The following TUT4 variants were observed in gnomAD, a reference collection of about 807,000 sequenced individuals.
TUT4 encodes terminal uridylyl transferase 4, also known as terminal uridylyltransferase 4.
Under a neutral mutation model 192.2 loss-of-function variants are expected in TUT4, and 36 were observed. The observed-to-expected ratio is 0.19, with a 90% CI of 0.14 to 0.25. TUT4 has a LOEUF of 0.25. Among genes scored for constraint, TUT4 ranks in the 10% least tolerant of loss-of-function variants. TUT4 has a pLI of 1.00. For missense variants in TUT4, 1,493 were observed against 1,957.2 expected, an observed-to-expected ratio of 0.76 and a Z score of 4.47; for synonymous variants, 618 against 666.0, an observed-to-expected ratio of 0.93 and a Z score of 1.11.
intron 1 of TUT4, among the ~76,000 whole-genome samples, chr1:52,549,113 G>T (rs1375733962): frequency 3.3e-5 from 5 of 152,250 alleles, no homozygotes; most frequent in Non-Finnish European, 5.9e-5. Flanking sequence ...GGAAAAGAAG[G>T]CTTGCCTATC....
intron 20 of TUT4, among the ~76,000 whole-genome samples, chr1:52,452,337 A>G (rs1659673999): frequency 6.6e-6 from 1 of 152,156 alleles, no homozygotes. Flanking sequence ...CTGACATACA[A>G]CTCGTAACAT....
In TUT4 at chr1:52,492,802, G is replaced by A. The variant is rs151307420; in HGVS notation, c.1318+809C>T. Among the ~76,000 whole-genome samples the A allele has an allele frequency of 1.6e-3, 236 of 152,226 alleles. 7 individuals are homozygous for A. In the East Asian group the frequency reaches 0.042, roughly 27 times the overall value. ...CTATATGAATGATGTGTTTACAAAG[G>A]CAATCCAGACAGAAAAAGCACACAT... is the stretch of plus-strand genomic sequence containing the variant. On this transcript the variant is annotated intron_variant, in intron 7 of 29. Transcript: ENST00000257177.
intron 20 of TUT4, among the ~76,000 whole-genome samples, chr1:52,454,897 G>A (rs1312234506): frequency 6.6e-6 from 1 of 152,130 alleles, no homozygotes; most frequent in Non-Finnish European, 1.5e-5. Context: ...TTAAAAAAAT[G>A]GACCAAAGAA....
chr1:52,540,524 A>AAAAG (rs1553234575), intron 1 of TUT4, among the ~76,000 whole-genome samples: 4 of 150,888 alleles, frequency 2.7e-5, no homozygotes, highest in East Asian at 1.9e-4. Context: ...CAAAAAAAAA[A>AAAAG]AAAGAAAGAA....
chr1:52,460,224 A>G (rs1662181004), intron 19 of TUT4, among the ~76,000 whole-genome samples: 2 of 151,880 alleles, frequency 1.3e-5, no homozygotes, highest in Non-Finnish European at 2.9e-5. Context: ...GTCAGGCACA[A>G]TAATCCCAGC....
intron 3 of TUT4, 94 bp from the exon 4 acceptor site, chr1:52,509,806 CAG>C (rs1571115823): frequency 1.3e-6 from 1 of 784,104 alleles, no homozygotes; most frequent in Non-Finnish European, 2.2e-6. Context: ...TGTAAGTAGA[CAG>C]AAATAAGCAC....
At chr1:52,520,557 A>T (rs1182179930) in intron 2 of TUT4, among the ~76,000 whole-genome samples, 3 of 152,190 alleles carry the variant, frequency 2.0e-5, no homozygotes, top group African/African-American at 7.2e-5. Flanking sequence ...TTTTAATATG[A>T]ATCCCAAACA....
intron 7 of TUT4, among the ~76,000 whole-genome samples, chr1:52,491,713 C>T (rs895652789): frequency 1.3e-5 from 2 of 149,750 alleles, no homozygotes; most frequent in African/African-American, 4.9e-5. Flanking sequence ...ATAACAACAA[C>T]AAAAAAAAAC....
chr1:52,479,111 G>A (rs79927661), intron 11 of TUT4, among the ~76,000 whole-genome samples: 2 of 152,092 alleles, frequency 1.3e-5, no homozygotes, highest in Non-Finnish European at 2.9e-5. Context: ...TTAAGAAGAG[G>A]GAAGGGTGCT....
chr1:52,505,569 G>A (rs1675308424), intron 4 of TUT4, among the ~76,000 whole-genome samples: 1 of 151,516 alleles, frequency 6.6e-6, no homozygotes, highest in Admixed American at 6.6e-5. Context: ...TTACAGGTGT[G>A]GGTCACCAAG....
intron 4 of TUT4, among the ~76,000 whole-genome samples, chr1:52,508,430 T>C (rs1557889160): frequency 6.6e-6 from 1 of 152,064 alleles, no homozygotes; most frequent in Non-Finnish European, 1.5e-5. Flanking sequence ...TATTATCACC[T>C]AAACTACTCC....
At position 52,471,607 on chromosome 1, in the gene TUT4, T is replaced by G. The variant is rs115369157; in HGVS notation, c.2878+345A>C. Among the ~76,000 whole-genome samples, 1,326 of 152,312 alleles carry G rather than the reference T, an allele frequency of 8.7e-3. 22 individuals are homozygous for G. The highest frequency in any genetic ancestry group is 0.03 in the African/African-American group (1,257 of 41,564). On this transcript the variant is annotated intron_variant, in intron 14 of 29. Transcript: ENST00000257177. ...GCAGCCACTAGCCACATGTAGCTAC[T>G]GAGTACTTGAGATATGTCTAGTATA...
At chr1:52,474,087 T>G (rs1026875218) in intron 13 of TUT4, among the ~76,000 whole-genome samples, 4 of 152,124 alleles carry the variant, frequency 2.6e-5, no homozygotes, top group Admixed American at 2.6e-4. Flanking sequence ...ATGCGCCTGT[T>G]GTCCCAGCTA....
rs1382113924 is a variant in TUT4 at position 52,461,778 on chromosome 1, C to A, written c.3070-9G>T. 2 of 1,331,624 alleles carry A rather than the reference C, an allele frequency of 1.5e-6. No homozygotes were observed. The highest frequency in any genetic ancestry group is 2.5e-5 in the East Asian group (1 of 40,102). 82.5% of individuals were successfully genotyped at this position (1,331,624 alleles called of 1,614,324 possible). On this transcript the variant is annotated splice_polypyrimidine_tract_variant and intron_variant, in intron 16 of 29. Coordinates refer to ENST00000257177, the MANE Select transcript of TUT4 (RefSeq NM_001009881.3). ...TCCTTACAATTTAATTTCTAAAAAA[C>A]AAATCAAATAAATAAGTTTGACTCA...
At chr1:52,500,357 G>A (rs1318014516) in intron 4 of TUT4, among the ~76,000 whole-genome samples, 1 of 152,138 alleles carries the variant, frequency 6.6e-6, no homozygotes, top group African/African-American at 2.4e-5. Flanking sequence ...AACTAGGCCA[G>A]GTATAGTGGC....
intron 16 of TUT4, chr1:52,463,227 A>G (rs1337703790): frequency 2.0e-6 from 2 of 986,400 alleles, no homozygotes; most frequent in Non-Finnish European, 2.4e-6. Context: ...GAAGATATCT[A>G]AAACTCTAAC....
chr1:52,504,613 G>C (rs909901071), intron 4 of TUT4, among the ~76,000 whole-genome samples: 1 of 152,104 alleles, frequency 6.6e-6, no homozygotes, highest in African/African-American at 2.4e-5. Context: ...CTGGGCGATA[G>C]AGCAAGACTC....
chr1:52,525,993 G>C lies in TUT4; in HGVS notation c.288C>G (p.Cys96Trp), dbSNP rs1310405670. 1 of 1,613,948 alleles carries C rather than the reference G, an allele frequency of 6.2e-7. No individual in the cohort carries two copies. Among genetic ancestry groups the C allele is most frequent in the Non-Finnish European group, 8.5e-7 (1 of 1,180,020 alleles). ...GTGAATTAGGAAATTTTTTTGCTTT[G>C]CAATGACTTTGATCTCGAAGGACTA... is the stretch of plus-strand genomic sequence containing the variant. ...LGLVLRDQSH[C>W]KAKKFPNSPV... The change falls in exon 2 of 30, where the codon TGC becomes TGG. Residue 96 changes from cysteine (C) to tryptophan (W), a missense_variant. Transcript: ENST00000257177.
chr1:52,544,190 A>C (rs1558026723), intron 1 of TUT4, among the ~76,000 whole-genome samples: 1 of 151,226 alleles, frequency 6.6e-6, no homozygotes, highest in East Asian at 2.0e-4. Context: ...CGGGAGGCTG[A>C]GGCAGGAGAA....
Sources: allele counts gnomAD v4.1 joint callset (sites outside exome capture counted in the v4.1 genomes callset), GRCh38; gene constraint gnomAD v4.1.1; transcripts MANE v1.5; gene names NCBI Gene and HGNC (gene_info 2026-07-23, HGNC 2026-07-21).